Variants in KANK1 observed in about 807,000 individuals in gnomAD.
KANK1 encodes KN motif and ankyrin repeat domains 1, also known as KN motif and ankyrin repeat domain-containing protein 1.
A neutral mutation model predicts 106.2 loss-of-function variants in KANK1; 109 were observed. The observed-to-expected ratio is 1.03, with a 90% CI of 0.88 to 1.20. The LOEUF is 1.20. KANK1 is among the 50% of genes most tolerant of loss of function. The probability of loss-of-function intolerance (pLI) is 0.00; values close to 1 mark genes in which losing one functional copy is unlikely to be tolerated. For missense variants in KANK1, 2,399 were observed against 1,710.7 expected (o/e 1.40, Z -7.10); for synonymous variants, 873 against 652.2 (o/e 1.34, Z -5.16).
chr9:566,588 T>G (rs146583211), intron 1 of KANK1, among the ~76,000 whole-genome samples: 3 of 152,240 alleles, frequency 2.0e-5, no homozygotes, highest in African/African-American at 7.2e-5. Flanking sequence ...GTGGTTGTTA[T>G]TTGCGTTTCT....
At chr9:641,415 G>A (rs1838404300) in intron 1 of KANK1, among the ~76,000 whole-genome samples, 1 of 152,126 alleles carries the variant, frequency 6.6e-6, no homozygotes, top group South Asian at 2.1e-4. Flanking sequence ...GGTGATCCTT[G>A]TTTCTTAGTA....
At chr9:650,406 T>A (rs927283936) in intron 1 of KANK1, among the ~76,000 whole-genome samples, 4 of 152,218 alleles carry the variant, frequency 2.6e-5, no homozygotes, top group African/African-American at 9.6e-5. Flanking sequence ...TAAAGATCTC[T>A]GTTAAAACAG....
intron 1 of KANK1, among the ~76,000 whole-genome samples, chr9:661,565 A>T (rs1308193198): frequency 6.6e-6 from 1 of 152,106 alleles, no homozygotes; most frequent in Non-Finnish European, 1.5e-5. Context: ...TGCTATTGTG[A>T]ATAGTGCCGC....
intron 1 of KANK1, among the ~76,000 whole-genome samples, chr9:512,415 G>A (rs1479423665): frequency 6.6e-6 from 1 of 152,014 alleles, no homozygotes; most frequent in Non-Finnish European, 1.5e-5. Context: ...GCTCAGGGAG[G>A]CCGGTCTTTT....
In KANK1 at chr9:512,249, G is replaced by GTGTGTGTGTATA. The variant is rs370159663; in HGVS notation, c.-84+7496_-84+7497insGTGTGTGTATAT. 1.3e-3 allele frequency among the ~76,000 whole-genome samples: 187 copies of GTGTGTGTGTATA among 149,588 alleles called. 3 individuals carry two copies. The highest frequency in any genetic ancestry group is 4.1e-3 in the African/African-American group (163 of 40,062). ...ACCAATAGTGTGTGTGTGTGTGTGTGTATGTATATACACACACACAAGATT... is the reference window on the plus strand; with the variant it reads ...ACCAATAGTGTGTGTGTGTGTGTGTGTGTGTGTGTATATATGTATATACACACACACAAGATT... On this transcript the variant is annotated intron_variant, in intron 1 of 11. Transcript: ENST00000382297.
chr9:637,096 C>T (rs573016103), intron 1 of KANK1, among the ~76,000 whole-genome samples: 3 of 152,316 alleles, frequency 2.0e-5, no homozygotes, highest in South Asian at 4.1e-4. Context: ...TTATTCCACT[C>T]CTCCAACAAC....
chr9:562,274 G>A (rs184460139), intron 1 of KANK1, among the ~76,000 whole-genome samples: 19 of 150,942 alleles, frequency 1.3e-4, no homozygotes, highest in South Asian at 2.1e-4. Flanking sequence ...GGATGGTCTC[G>A]ATCTCCTGAC....
chr9:518,448 A>G (rs2059394317), intron 1 of KANK1, among the ~76,000 whole-genome samples: 1 of 151,200 alleles, frequency 6.6e-6, no homozygotes, highest in Non-Finnish European at 1.5e-5. Flanking sequence ...TTTTACCTAT[A>G]CTTTTCGGCC....
At chr9:667,975 C>G (rs1165369175) in intron 1 of KANK1, among the ~76,000 whole-genome samples, 1 of 152,134 alleles carries the variant, frequency 6.6e-6, no homozygotes, top group Non-Finnish European at 1.5e-5. Flanking sequence ...AGATGATCCA[C>G]CCACCTCAGC....
At chr9:512,264 C>A (rs937410374) in intron 1 of KANK1, among the ~76,000 whole-genome samples, 2 of 128,922 alleles carry the variant, frequency 1.6e-5, no homozygotes, top group Non-Finnish European at 3.1e-5. Flanking sequence ...TATATACACA[C>A]ACACAAGATT....
chr9:705,861 A>C (rs939365270), intron 2 of KANK1, among the ~76,000 whole-genome samples: 3 of 152,100 alleles, frequency 2.0e-5, no homozygotes, highest in Non-Finnish European at 2.9e-5. Flanking sequence ...TCGGTCTCCC[A>C]AAGTGCTGGG....
intron 1 of KANK1, among the ~76,000 whole-genome samples, chr9:579,198 G>A (rs896508816): frequency 7.0e-6 from 1 of 143,284 alleles, no homozygotes; most frequent in Non-Finnish European, 1.5e-5. Context: ...AGCCTTCCCC[G>A]ACCCACCCAC....
intron 3 of KANK1, among the ~76,000 whole-genome samples, chr9:723,952 AAG>A (rs1254282465): frequency 2.6e-5 from 4 of 151,182 alleles, no homozygotes; most frequent in African/African-American, 7.3e-5. Flanking sequence ...AAAAAAAAAA[AAG>A]AAGCCAGGCG....
intron 1 of KANK1, among the ~76,000 whole-genome samples, chr9:608,635 A>G (rs927535951): frequency 5.4e-5 from 8 of 149,106 alleles, no homozygotes; most frequent in Non-Finnish European, 1.0e-4. Context: ...CATCATCACG[A>G]CTGACTGATT....
At chr9:660,115 C>A in intron 1 of KANK1, 4 of 431,808 alleles carry the variant, frequency 9.3e-6, no homozygotes, top group Non-Finnish European at 9.2e-6. Context: ...GCAGGAAGAC[C>A]CTTACTACTG....
rs745802412 is a variant in KANK1 at position 710,965 on chromosome 9, C to T, written c.199C>T (p.Arg67Trp). The T allele has an allele frequency of 1.2e-5, 19 of 1,614,052 alleles. No homozygotes were observed. Among genetic ancestry groups the T allele is most frequent in the East Asian group, 2.2e-5 (1 of 44,890 alleles). ...TIKRLNIQKR[R>W]KPSVPCPEPR... Reference sequence around the variant, plus strand: ...CAAAAGACTGAACATCCAGAAGAGGCGGAAGCCGTCCGTGCCATGCCCAGA... The same window carrying T: ...CAAAAGACTGAACATCCAGAAGAGGTGGAAGCCGTCCGTGCCATGCCCAGA... Residue 67 changes from arginine (R) to tryptophan (W), a missense_variant, in exon 3 of 12, where the codon CGG becomes TGG. Coordinates refer to ENST00000382297, the MANE Select transcript of KANK1 (RefSeq NM_015158.5).
intron 1 of KANK1, among the ~76,000 whole-genome samples, chr9:583,414 A>T (rs963598008): frequency 2.3e-4 from 35 of 152,132 alleles, no homozygotes; most frequent in African/African-American, 7.7e-4. Flanking sequence ...TCCACTCATG[A>T]CTTTACCTGC....
chr9:663,028 C>A (rs1490493230), intron 1 of KANK1, among the ~76,000 whole-genome samples: 1 of 152,130 alleles, frequency 6.6e-6, no homozygotes, highest in African/African-American at 2.4e-5. Flanking sequence ...TACATGTCCC[C>A]CTTTTACTTA....
intron 1 of KANK1, among the ~76,000 whole-genome samples, chr9:608,034 A>T (rs58649498): frequency 0.42 from 48,011 of 114,984 alleles, 11,403 homozygotes; most frequent in East Asian, 0.83. Context: ...TATTATTATT[A>T]TTTTTTTTTT....
Sources: gnomAD v4.1 joint callset for allele counts (sites outside exome capture counted in the v4.1 genomes callset) on GRCh38, gnomAD v4.1.1 for gene constraint, MANE v1.5 for transcripts, NCBI Gene and HGNC (gene_info 2026-07-23, HGNC 2026-07-21) for gene names.